MPC2: variants seen among roughly 807,000 people sequenced by gnomAD.
The protein encoded by MPC2 is brain protein 44.
A neutral mutation model predicts 19.2 loss-of-function variants in MPC2; 19 were observed. The ratio of observed to expected loss-of-function variants is 0.99; its 90% CI spans 0.69 to 1.45. The LOEUF (loss-of-function observed/expected upper bound fraction) is 1.45. MPC2 is among the 40% of genes most tolerant of loss of function. The pLI is 0.00. For synonymous variants in MPC2, 61 were observed against 54.3 expected (o/e 1.12, Z -0.54); for missense variants, 122 against 153.0 (o/e 0.80, Z 1.07).
At chr1:167,929,810 T>C (rs1216481105) in intron 2 of MPC2, among the ~76,000 whole-genome samples, 1 of 152,194 alleles carries the variant, frequency 6.6e-6, no homozygotes, top group Non-Finnish European at 1.5e-5. Context: ...AGGTATTCAC[T>C]ATATCCCTCT....
chr1:167,933,609 T>A (rs1670975509), intron 2 of MPC2, among the ~76,000 whole-genome samples: 1 of 152,220 alleles, frequency 6.6e-6, no homozygotes, highest in Non-Finnish European at 1.5e-5. Flanking sequence ...TGTAGGTGAA[T>A]CTAGAAAAAT....
chr1:167,931,237 TC>T (rs1670900479), intron 2 of MPC2, among the ~76,000 whole-genome samples: 1 of 152,182 alleles, frequency 6.6e-6, no homozygotes, highest in Non-Finnish European at 1.5e-5. Context: ...CAGCTGATAT[TC>T]CTTTTTATGA....
chr1:167,934,877 A>G (rs1469637977), intron 2 of MPC2, among the ~76,000 whole-genome samples: 1 of 152,186 alleles, frequency 6.6e-6, no homozygotes, highest in African/African-American at 2.4e-5. Context: ...TTTATAGAAG[A>G]GGTAACAGAA....
chr1:167,925,145 G>A (rs1319233854), intron 2 of MPC2, among the ~76,000 whole-genome samples: 1 of 151,702 alleles, frequency 6.6e-6, no homozygotes, highest in East Asian at 1.9e-4. Flanking sequence ...TGTCCCTCTC[G>A]AATTCACAGT....
rs758968953 is a variant in MPC2 at position 167,924,477 on chromosome 1, C to T, written c.150+20G>A. The T allele has an allele frequency of 7.6e-6, 12 of 1,586,256 alleles. No homozygotes were observed. The highest frequency in any genetic ancestry group is 2.3e-5 in the South Asian group (2 of 86,946). ...AAGGAATTTGTCTTTCAGTAGCTTC[C>T]GTAAAAACTCAAGACTTACCCATTT... On this transcript the variant is annotated intron_variant, in intron 3 of 5. Transcript: ENST00000271373.
intron 2 of MPC2, among the ~76,000 whole-genome samples, chr1:167,934,405 C>T (rs1354436746): frequency 6.6e-6 from 1 of 152,138 alleles, no homozygotes; most frequent in Non-Finnish European, 1.5e-5. Flanking sequence ...ACCCTCCTTC[C>T]CGAAAATCTT....
chr1:167,925,478 T>TATAC (rs1553200842), intron 2 of MPC2, among the ~76,000 whole-genome samples: 1,779 of 122,194 alleles, frequency 0.015, 12 homozygotes, highest in African/African-American at 0.024. Context: ...TATATATACA[T>TATAC]ATACATATAC....
At chr1:167,933,012 T>C (rs1670955104) in intron 2 of MPC2, among the ~76,000 whole-genome samples, 1 of 151,928 alleles carries the variant, frequency 6.6e-6, no homozygotes, top group South Asian at 2.1e-4. Context: ...AGGACACACA[T>C]TTGGCTAGAA....
chr1:167,927,358 G>C (rs1209366406), intron 2 of MPC2, among the ~76,000 whole-genome samples: 1 of 152,198 alleles, frequency 6.6e-6, no homozygotes, highest in Non-Finnish European at 1.5e-5. Flanking sequence ...TTTAGGGTGA[G>C]ATTCTGGGAT....
chr1:167,931,050 C>T (rs7533355), intron 2 of MPC2, among the ~76,000 whole-genome samples: 31,448 of 152,158 alleles, frequency 0.21, 3,879 homozygotes, highest in Admixed American at 0.36. Flanking sequence ...TCCTGCCTCA[C>T]CCTCCAGAGT....
At chr1:167,931,286 C>T (rs1001550865) in intron 2 of MPC2, among the ~76,000 whole-genome samples, 3 of 152,258 alleles carry the variant, frequency 2.0e-5, no homozygotes, top group East Asian at 1.9e-4. Context: ...GGGTGGGTTT[C>T]GTTATTTTAT....
At chr1:167,922,598 A>G (rs1014283475) in intron 3 of MPC2, among the ~76,000 whole-genome samples, 3 of 149,350 alleles carry the variant, frequency 2.0e-5, no homozygotes, top group Non-Finnish European at 3.0e-5. Context: ...TGTAGATATG[A>G]AAAAAAAAAC....
intron 5 of MPC2, 52 bp downstream of exon 5, chr1:167,919,927 G>T: frequency 1.5e-6 from 2 of 1,316,074 alleles, no homozygotes; most frequent in Non-Finnish European, 1.1e-6. Flanking sequence ...AAAAATTAGT[G>T]CCATCTAAGT....
chr1:167,921,415 T>C (rs1343133896), intron 3 of MPC2, among the ~76,000 whole-genome samples: 3 of 152,030 alleles, frequency 2.0e-5, no homozygotes, highest in African/African-American at 7.2e-5. Flanking sequence ...AGAGACGGGG[T>C]TTCACCATGT....
chr1:167,935,938 C>T, intron 1 of MPC2, 40 bp from the exon 2 acceptor site: 1 of 926,422 alleles, frequency 1.1e-6, no homozygotes, highest in Non-Finnish European at 1.7e-6. Flanking sequence ...CCTGCCACGA[C>T]GACTCGCGTC....
chr1:167,920,304 A>C (rs1027829406), intron 4 of MPC2, among the ~76,000 whole-genome samples: 12 of 152,204 alleles, frequency 7.9e-5, no homozygotes, highest in African/African-American at 2.4e-4. Context: ...TATTAACTGT[A>C]ATTTTCTTCC....
chr1:167,934,031 G>A (rs1670989115), intron 2 of MPC2, among the ~76,000 whole-genome samples: 1 of 152,202 alleles, frequency 6.6e-6, no homozygotes, highest in African/African-American at 2.4e-5. Context: ...AGACTGAAAC[G>A]TAGGTCTATT....
rs892895005 is a variant in MPC2 at position 167,917,992 on chromosome 1, A to T, written c.*331T>A. The T allele has an allele frequency of 1.6e-4, 31 of 196,716 alleles. No individual in the cohort carries two copies. The highest frequency in any genetic ancestry group is 7.0e-4 in the African/African-American group (30 of 43,036). 12.2% of individuals were successfully genotyped at this position (196,716 alleles called of 1,614,324 possible). On this transcript the variant is annotated 3_prime_UTR_variant, in exon 6 of 6. Coordinates refer to ENST00000271373, the MANE Select transcript of MPC2 (RefSeq NM_001143674.4). The stretch of plus-strand genomic sequence containing the variant: ...CCTACACTAAATAAGCAGATAATTT[A>T]ATCTTCCAACTTCTTGAATTTGTGT...
intron 2 of MPC2, among the ~76,000 whole-genome samples, chr1:167,933,752 C>T (rs1670979936): frequency 6.6e-6 from 1 of 152,154 alleles, no homozygotes; most frequent in South Asian, 2.1e-4. Flanking sequence ...CATCAGTCAA[C>T]GTATTTTTCA....
Sources: gnomAD v4.1 joint callset for allele counts (sites outside exome capture counted in the v4.1 genomes callset) on GRCh38, gnomAD v4.1.1 for gene constraint, MANE v1.5 for transcripts, NCBI Gene and HGNC (gene_info 2026-07-23, HGNC 2026-07-21) for gene names.